The following HS6ST3 variants were observed in gnomAD, a reference collection of about 807,000 sequenced individuals.
The protein encoded by HS6ST3 is heparan sulfate 6-O-sulfotransferase 3.
In HS6ST3, 12 loss-of-function variants were observed where a neutral mutation model predicts 36.7. That is an observed-to-expected ratio of 0.33 (90% CI 0.21 to 0.53). The LOEUF is 0.53. HS6ST3 is among the 20% of genes least tolerant of loss of function. HS6ST3 has a pLI of 0.95. For missense variants in HS6ST3, 584 were observed against 640.9 expected (o/e 0.91, Z 0.96); for synonymous variants, 240 against 257.5 (o/e 0.93, Z 0.65).
chr13:96,214,834 G>T (rs960338378), intron 1 of HS6ST3, among the ~76,000 whole-genome samples: 2 of 152,088 alleles, frequency 1.3e-5, no homozygotes, highest in African/African-American at 4.8e-5. Flanking sequence ...TCACTATAAC[G>T]TTAAGACCAA....
At chr13:96,527,404 G>T (rs2056118437) in intron 1 of HS6ST3, among the ~76,000 whole-genome samples, 1 of 152,138 alleles carries the variant, frequency 6.6e-6, no homozygotes, top group Admixed American at 6.5e-5. Context: ...TAGAACTGTG[G>T]TGGCAAATAA....
chr13:96,659,473 CT>C (rs1483995277), intron 1 of HS6ST3, among the ~76,000 whole-genome samples: 1 of 151,944 alleles, frequency 6.6e-6, no homozygotes, highest in African/African-American at 2.4e-5. Flanking sequence ...TTTTTTCAAT[CT>C]CTTCATGGTA....
chr13:96,575,810 A>C (rs559686584), intron 1 of HS6ST3, among the ~76,000 whole-genome samples: 5 of 152,292 alleles, frequency 3.3e-5, no homozygotes, highest in African/African-American at 1.2e-4. Context: ...AGTTCGTAGA[A>C]CTAGGGAACT....
chr13:96,345,418 GTAT>G (rs2055149023), intron 1 of HS6ST3, among the ~76,000 whole-genome samples: 2 of 152,054 alleles, frequency 1.3e-5, no homozygotes, highest in South Asian at 4.1e-4. Context: ...CTAGTGCCCG[GTAT>G]TATTTATTAG....
At chr13:96,396,739 G>T (rs1347774815) in intron 1 of HS6ST3, among the ~76,000 whole-genome samples, 1 of 152,138 alleles carries the variant, frequency 6.6e-6, no homozygotes, top group Non-Finnish European at 1.5e-5. Context: ...GGTGGCCCTT[G>T]GGCAAGGGCA....
Position 96,641,116 on chromosome 13 carries a change from A to G in HS6ST3, c.708-191374A>G, listed in dbSNP as rs2056568677. Among the ~76,000 whole-genome samples the G allele has an allele frequency of 2.0e-5, 3 of 152,066 alleles. No individual in the cohort carries two copies. The South Asian group carries it at 6.2e-4, about 31-fold the overall frequency. On this transcript the variant is annotated intron_variant, in intron 1 of 1. Coordinates refer to ENST00000376705, the MANE Select transcript of HS6ST3 (RefSeq NM_153456.4). ...AATAATGTGGGTAGCTTGATAAGAT[A>G]GCATTGATTCTGTACACTGCTTTGG...
intron 1 of HS6ST3, among the ~76,000 whole-genome samples, chr13:96,559,161 A>G (rs1208779070): frequency 2.6e-5 from 4 of 151,848 alleles, no homozygotes; most frequent in Non-Finnish European, 5.9e-5. Flanking sequence ...CTGTCACCCA[A>G]GCTGGAGTGC....
intron 1 of HS6ST3, among the ~76,000 whole-genome samples, chr13:96,743,732 G>A (rs1054928424): frequency 2.6e-5 from 4 of 151,906 alleles, no homozygotes; most frequent in Admixed American, 6.6e-5. Context: ...ATTTCAAGAG[G>A]GCTCTCTTGT....
At chr13:96,663,523 A>G (rs914761007) in intron 1 of HS6ST3, among the ~76,000 whole-genome samples, 23 of 152,212 alleles carry the variant, frequency 1.5e-4, no homozygotes, top group Admixed American at 4.6e-4. Flanking sequence ...AATAACATGG[A>G]GAAACTGAAA....
At chr13:96,464,612 G>A (rs921440774) in intron 1 of HS6ST3, among the ~76,000 whole-genome samples, 1 of 152,098 alleles carries the variant, frequency 6.6e-6, no homozygotes, top group South Asian at 2.1e-4. Context: ...TAAGTACGTA[G>A]TTACATATAT....
intron 1 of HS6ST3, among the ~76,000 whole-genome samples, chr13:96,788,428 A>G (rs751993617): frequency 1.2e-4 from 18 of 152,032 alleles, no homozygotes; most frequent in Admixed American, 4.6e-4. Context: ...TTGATATATC[A>G]TGGTCATCTA....
intron 1 of HS6ST3, among the ~76,000 whole-genome samples, chr13:96,172,378 T>C (rs1434991363): frequency 6.6e-6 from 1 of 152,212 alleles, no homozygotes; most frequent in East Asian, 1.9e-4. Flanking sequence ...AGGGCTGTGC[T>C]TTCTTCAGAA....
intron 1 of HS6ST3, among the ~76,000 whole-genome samples, chr13:96,230,199 C>T (rs2054501366): frequency 6.6e-6 from 1 of 151,982 alleles, no homozygotes; most frequent in African/African-American, 2.4e-5. Context: ...TCATTTTTGT[C>T]TTTTAGAGTG....
chr13:96,419,921 T>C (rs945959599), intron 1 of HS6ST3, among the ~76,000 whole-genome samples: 1 of 152,196 alleles, frequency 6.6e-6, no homozygotes, highest in African/African-American at 2.4e-5. Flanking sequence ...AAAGACTCTA[T>C]TTCCAAATAA....
intron 1 of HS6ST3, among the ~76,000 whole-genome samples, chr13:96,270,359 C>A (rs1007974880): frequency 6.6e-6 from 1 of 151,712 alleles, no homozygotes; most frequent in South Asian, 2.1e-4. Flanking sequence ...ATTATGGCAG[C>A]CCAAGCAGGC....
chr13:96,193,496 G>T (rs887682246), intron 1 of HS6ST3, among the ~76,000 whole-genome samples: 2 of 152,140 alleles, frequency 1.3e-5, no homozygotes, highest in South Asian at 4.1e-4. Context: ...GAAACATGCT[G>T]GGGGAGGCTA....
chr13:96,225,046 A>G (rs924037150), intron 1 of HS6ST3, among the ~76,000 whole-genome samples: 7 of 152,208 alleles, frequency 4.6e-5, no homozygotes, highest in African/African-American at 1.7e-4. Context: ...TAAGTTGGCA[A>G]TTGAGAGAGT....
chr13:96,498,733 T>A (rs1187520550), intron 1 of HS6ST3, among the ~76,000 whole-genome samples: 1 of 152,208 alleles, frequency 6.6e-6, no homozygotes, highest in Non-Finnish European at 1.5e-5. Context: ...CTTGTATCCT[T>A]TGTAATAAAA....
intron 1 of HS6ST3, among the ~76,000 whole-genome samples, chr13:96,100,140 A>G (rs1395337418): frequency 6.6e-6 from 1 of 152,146 alleles, no homozygotes; most frequent in Non-Finnish European, 1.5e-5. Context: ...ATCAGAAAGA[A>G]GGTAATATTG....
Sources: allele counts gnomAD v4.1 joint callset (sites outside exome capture counted in the v4.1 genomes callset), GRCh38; gene constraint gnomAD v4.1.1; transcripts MANE v1.5; gene names NCBI Gene and HGNC (gene_info 2026-07-23, HGNC 2026-07-21).